Variants in SRP72 observed in about 807,000 individuals in gnomAD.
The protein encoded by SRP72 is signal recognition particle 72.
SRP72 carries 49 observed loss-of-function variants against 96.3 expected under a neutral mutation model. The ratio of observed to expected loss-of-function variants is 0.51; its 90% CI spans 0.40 to 0.65. The LOEUF is 0.65. Among genes scored for constraint, SRP72 ranks in the 30% least tolerant of loss-of-function variants. The pLI is 0.00. For missense variants in SRP72, 736 were observed against 793.3 expected (o/e 0.93, Z 0.87); for synonymous variants, 267 against 275.2 (o/e 0.97, Z 0.30).
chr4:56,501,537 C>T (rs1024052694), intron 18 of SRP72, 147 bp from the exon 19 acceptor site: 12 of 640,664 alleles, frequency 1.9e-5, no homozygotes, highest in Admixed American at 3.4e-5. Flanking sequence ...AAAGAAAAGT[C>T]GATAGGGAGT....
At position 56,490,592 on chromosome 4, in the gene SRP72, C is replaced by T. The variant is rs539566015; in HGVS notation, c.1449C>T (p.Thr483=). ...LWKQNPKDIH[T]LAQLISAYSL... is the part of the protein sequence containing the mutation. ...GACAAAATCCAAAAGATATTCACACCCTGGCACAGCTTATTTCTGCTTACT... is the reference window on the plus strand; with the variant it reads ...GACAAAATCCAAAAGATATTCACACTCTGGCACAGCTTATTTCTGCTTACT... The change falls in exon 15 of 19, where the codon ACC becomes ACT. Residue 483 remains threonine (T), a synonymous_variant. Coordinates refer to ENST00000642900, the MANE Select transcript of SRP72 (RefSeq NM_006947.4). 26 of 1,613,818 alleles carry T rather than the reference C, an allele frequency of 1.6e-5. No individual in the cohort carries two copies. In the South Asian group the frequency reaches 2.1e-4, roughly 13 times the overall value.
intron 10 of SRP72, 115 bp downstream of exon 10, chr4:56,484,979 C>T: frequency 8.0e-7 from 1 of 1,246,580 alleles, no homozygotes; most frequent in Non-Finnish European, 1.1e-6. Context: ...AGAAATGTAC[C>T]ACTACACAAA....
intron 8 of SRP72, among the ~76,000 whole-genome samples, chr4:56,480,267 A>AT (rs916385591): frequency 1.3e-5 from 2 of 151,540 alleles, no homozygotes; most frequent in African/African-American, 4.8e-5. Context: ...GTCAGGACAA[A>AT]TTTTTTTTTC....
chr4:56,467,864 C>T lies in SRP72; in HGVS notation c.109+120C>T, dbSNP rs561139735. On this transcript the variant is annotated intron_variant, in intron 1 of 18. Transcript: ENST00000642900. The stretch of plus-strand genomic sequence containing the variant: ...GAAGGGGAGACCCCCGAAACCCCCC[C>T]GTCTATTGTCCGCCCGGCTCGGGCC... The T allele has an allele frequency of 1.9e-5, 19 of 993,436 alleles. No homozygotes were observed. The East Asian group carries it at 2.0e-4, about 10-fold the overall frequency. 61.5% of individuals were successfully genotyped at this position (993,436 alleles called of 1,614,324 possible). A position where few individuals can be genotyped will look rare whatever the true frequency, so the allele number is the denominator to read the frequency against.
Position 56,499,839 on chromosome 4 carries a change from A to T in SRP72, c.1679-697A>T, listed in dbSNP as rs1026337036. Among the ~76,000 whole-genome samples the T allele has an allele frequency of 2.6e-5, 4 of 151,790 alleles. No individual in the cohort carries two copies. The East Asian group carries it at 7.8e-4, about 30-fold the overall frequency. On this transcript the variant is annotated intron_variant, in intron 17 of 18. Transcript: ENST00000642900. ...TCAAGGACCTAGAACCAGAAATACC[A>T]TTTAACCCAGCAGTCGCATTACTGG... is the stretch of plus-strand genomic sequence containing the variant.
chr4:56,487,551 A>G (rs925461784), intron 11 of SRP72, among the ~76,000 whole-genome samples: 10 of 152,116 alleles, frequency 6.6e-5, no homozygotes, highest in African/African-American at 2.2e-4. Context: ...AGAATTTAAC[A>G]CCATAGGAAA....
In SRP72 at chr4:56,502,479, A is replaced by T; in HGVS notation, c.*618A>T. The T allele has an allele frequency of 9.8e-6, 1 of 102,464 alleles. No homozygotes were observed. Among genetic ancestry groups the T allele is most frequent in the Non-Finnish European group, 1.8e-5 (1 of 54,806 alleles). 6.3% of individuals were successfully genotyped at this position (102,464 alleles called of 1,614,324 possible). A position where few individuals can be genotyped will look rare whatever the true frequency, so the allele number is the denominator to read the frequency against. On this transcript the variant is annotated 3_prime_UTR_variant, in exon 19 of 19. Transcript: ENST00000642900. The stretch of plus-strand genomic sequence containing the variant: ...ACTTTTCATGTTTATATATATATAT[A>T]TATGTATATATATATACATATATAT...
chr4:56,492,399 C>A (rs986255862), intron 16 of SRP72, among the ~76,000 whole-genome samples: 1 of 152,104 alleles, frequency 6.6e-6, no homozygotes, highest in South Asian at 2.1e-4. Flanking sequence ...TTTCTTCCAT[C>A]GTCATCTTAA....
chr4:56,481,491 A>G (rs1304322299), intron 8 of SRP72, among the ~76,000 whole-genome samples: 1 of 152,090 alleles, frequency 6.6e-6, no homozygotes, highest in African/African-American at 2.4e-5. Flanking sequence ...GTGCCCCCAC[A>G]TGGGAATTTT....
intron 16 of SRP72, 81 bp from the exon 17 acceptor site, chr4:56,495,276 C>A: frequency 1.1e-6 from 1 of 909,784 alleles, no homozygotes; most frequent in Non-Finnish European, 1.6e-6. Flanking sequence ...AAGTGCCCAA[C>A]TAACTCTTAT....
At chr4:56,490,304 C>G in intron 13 of SRP72, 29 bp from the exon 14 acceptor site, 1 of 1,567,232 alleles carries the variant, frequency 6.4e-7, no homozygotes, top group Non-Finnish European at 8.7e-7. Context: ...TAACTTGAAA[C>G]TTTTTTTTTC....
chr4:56,467,773 G>GGGGGGGC, intron 1 of SRP72, 29 bp downstream of exon 1: 1 of 1,078,602 alleles, frequency 9.3e-7, no homozygotes, highest in Non-Finnish European at 1.3e-6. Context: ...ACTGGGGCGG[G>GGGGGGGC]CCCAGGCCGG....
chr4:56,468,916 C>A (rs1001720781), intron 1 of SRP72, among the ~76,000 whole-genome samples: 1 of 152,176 alleles, frequency 6.6e-6, no homozygotes, highest in Non-Finnish European at 1.5e-5. Flanking sequence ...AATTGGACTT[C>A]TGTAGTTGCA....
Position 56,499,053 on chromosome 4 carries a change from G to A in SRP72, c.1679-1483G>A, listed in dbSNP as rs28891686. Among the ~76,000 whole-genome samples, 996 of 152,198 alleles carry A rather than the reference G, an allele frequency of 6.5e-3. 14 individuals carry two copies. The highest frequency in any genetic ancestry group is 0.023 in the African/African-American group (940 of 41,518). On this transcript the variant is annotated intron_variant, in intron 17 of 18. Transcript: ENST00000642900. ...TACAGTAACCAAAACAGAATGGTACGGGTACCAAAACAGATCTGTAGACCA... is the reference window on the plus strand; with the variant it reads ...TACAGTAACCAAAACAGAATGGTACAGGTACCAAAACAGATCTGTAGACCA...
intron 10 of SRP72, 63 bp downstream of exon 10, chr4:56,484,927 G>A (rs187539787): frequency 1.9e-5 from 30 of 1,563,882 alleles, no homozygotes. Flanking sequence ...TCATTGTGTT[G>A]TAATAACCTA....
Position 56,467,755 on chromosome 4 carries a change from G to A in SRP72, c.109+11G>A. ...AGACCGTCAATAAGAGTAAGTGTCGGGGTGGGCACTGGGGCGGGCCCAGGC... is the reference window on the plus strand; with the variant it reads ...AGACCGTCAATAAGAGTAAGTGTCGAGGTGGGCACTGGGGCGGGCCCAGGC... On this transcript the variant is annotated intron_variant, in intron 1 of 18. Transcript: ENST00000642900. 1 of 1,501,016 alleles carries A rather than the reference G, an allele frequency of 6.7e-7. No individual in the cohort carries two copies. The highest frequency in any genetic ancestry group is 8.9e-7 in the Non-Finnish European group (1 of 1,128,174). The allele number at this position is 1,501,016 out of a possible 1,614,324, so 93.0% of individuals were successfully genotyped here.
At chr4:56,494,273 G>A (rs76567105) in intron 16 of SRP72, among the ~76,000 whole-genome samples, 1 of 152,124 alleles carries the variant, frequency 6.6e-6, no homozygotes, top group South Asian at 2.1e-4. Context: ...ATGACTTGTA[G>A]AATGAATTTT....
chr4:56,486,155 A>G (rs998319408), intron 10 of SRP72, 170 bp from the exon 11 acceptor site: 2 of 514,106 alleles, frequency 3.9e-6, no homozygotes, highest in African/African-American at 1.9e-5. Flanking sequence ...CTTTAAGAAA[A>G]AAAGTGAGTG....
At chr4:56,500,735 C>T (rs767065207) in intron 18 of SRP72, 40 bp downstream of exon 18, 9 of 1,565,308 alleles carry the variant, frequency 5.7e-6, no homozygotes, top group South Asian at 2.4e-5. Flanking sequence ...TTAGAACATA[C>T]GTTGTTTCTA....
Sources: gnomAD v4.1 joint callset for allele counts (sites outside exome capture counted in the v4.1 genomes callset) on GRCh38, gnomAD v4.1.1 for gene constraint, MANE v1.5 for transcripts, NCBI Gene and HGNC (gene_info 2026-07-23, HGNC 2026-07-21) for gene names.